Variants in CDK14 observed in about 807,000 individuals in gnomAD.
CDK14 encodes cyclin-dependent kinase 14.
In CDK14, 34 loss-of-function variants were observed where a neutral mutation model predicts 60.7. That is an observed-to-expected ratio of 0.56 (90% CI 0.43 to 0.75). The LOEUF is 0.75. Among genes scored for constraint, CDK14 ranks in the 30% least tolerant of loss-of-function variants. The pLI is 0.00. For synonymous variants in CDK14, 197 were observed against 203.7 expected (o/e 0.97, Z 0.28); for missense variants, 482 against 564.1 (o/e 0.85, Z 1.47).
In CDK14 at chr7:90,685,174, C is replaced by G. The variant is rs77862508; in HGVS notation, c.124-41393C>G. 1.4e-3 allele frequency among the ~76,000 whole-genome samples: 217 copies of G among 152,098 alleles called. 2 individuals are homozygous for G. Among genetic ancestry groups the G allele is most frequent in the Admixed American group, 0.014 (217 of 15,282 alleles). On this transcript the variant is annotated intron_variant, in intron 2 of 14. Coordinates refer to ENST00000380050, the MANE Select transcript of CDK14 (RefSeq NM_001287135.2). ...GGATTGAGTAGGAAATTCATCCTCTCTTTTCTTTCACATTGCTTTCTGGTT... is the reference window on the plus strand; with the variant it reads ...GGATTGAGTAGGAAATTCATCCTCTGTTTTCTTTCACATTGCTTTCTGGTT...
At chr7:91,092,771 A>C (rs1427191468) in intron 12 of CDK14, among the ~76,000 whole-genome samples, 1 of 152,208 alleles carries the variant, frequency 6.6e-6, no homozygotes, top group Non-Finnish European at 1.5e-5. Context: ...AGGTACCACT[A>C]CTTAACTCTT....
intron 2 of CDK14, chr7:90,632,525 G>A (rs1033683226): frequency 6.1e-6 from 1 of 163,202 alleles, no homozygotes; most frequent in African/African-American, 2.4e-5. Context: ...TTGTAGCCTG[G>A]AAAGCAGTTT....
intron 5 of CDK14, among the ~76,000 whole-genome samples, chr7:90,792,584 G>A (rs556736220): frequency 2.0e-5 from 3 of 152,178 alleles, no homozygotes; most frequent in African/African-American, 7.2e-5. Flanking sequence ...CCCAAATCTA[G>A]CCATGAACAA....
At chr7:90,692,722 C>A (rs1355796279) in intron 2 of CDK14, 6 of 889,544 alleles carry the variant, frequency 6.7e-6, no homozygotes, top group African/African-American at 5.4e-5. Flanking sequence ...TAATTTATTT[C>A]CAAAGGATAC....
chr7:90,883,316 C>T (rs530594327), intron 6 of CDK14, among the ~76,000 whole-genome samples: 32 of 152,282 alleles, frequency 2.1e-4, no homozygotes, highest in Admixed American at 1.8e-3. Flanking sequence ...ATACTATAAA[C>T]ACCTCTACGC....
At chr7:90,755,300 C>T (rs952990804) in intron 4 of CDK14, among the ~76,000 whole-genome samples, 4 of 152,104 alleles carry the variant, frequency 2.6e-5, no homozygotes, top group East Asian at 1.9e-4. Context: ...AGAATGAAAT[C>T]GTGTTCTTTG....
chr7:91,149,492 C>A (rs1429026712), intron 14 of CDK14, among the ~76,000 whole-genome samples: 1 of 152,164 alleles, frequency 6.6e-6, no homozygotes, highest in Admixed American at 6.5e-5. Context: ...AGCTCTCTCT[C>A]TGTTAACATG....
intron 10 of CDK14, among the ~76,000 whole-genome samples, chr7:90,988,243 A>G (rs1040658555): frequency 3.9e-5 from 6 of 152,176 alleles, no homozygotes; most frequent in African/African-American, 1.2e-4. Flanking sequence ...AACCATGTTC[A>G]TATGTATATA....
At chr7:90,701,566 A>G (rs1274546900) in intron 2 of CDK14, among the ~76,000 whole-genome samples, 3 of 152,134 alleles carry the variant, frequency 2.0e-5, no homozygotes, top group East Asian at 1.9e-4. Context: ...TCCCTTTCCT[A>G]GAGTTTAAAA....
intron 2 of CDK14, among the ~76,000 whole-genome samples, chr7:90,661,949 A>G (rs1800872715): frequency 6.6e-6 from 1 of 152,212 alleles, no homozygotes; most frequent in African/African-American, 2.4e-5. Flanking sequence ...AAAGGATTAA[A>G]TATGCTGCTT....
At chr7:91,175,602 G>C (rs1220890685) in intron 14 of CDK14, among the ~76,000 whole-genome samples, 1 of 151,650 alleles carries the variant, frequency 6.6e-6, no homozygotes, top group African/African-American at 2.4e-5. Context: ...CAAAATAAAA[G>C]GATGGAGGAA....
intron 2 of CDK14, among the ~76,000 whole-genome samples, chr7:90,634,767 T>C (rs972630559): frequency 4.0e-4 from 61 of 152,016 alleles, no homozygotes; most frequent in African/African-American, 1.1e-3. Flanking sequence ...AAAGTGTTCC[T>C]ATTTGTCCAC....
chr7:90,706,126 A>G (rs1430389178), intron 2 of CDK14, among the ~76,000 whole-genome samples: 2 of 152,024 alleles, frequency 1.3e-5, no homozygotes, highest in African/African-American at 4.8e-5. Flanking sequence ...TGAAGCTATA[A>G]TTTTTATTTT....
chr7:91,197,154 C>A (rs113559489), intron 14 of CDK14, among the ~76,000 whole-genome samples: 9,024 of 152,204 alleles, frequency 0.059, 319 homozygotes, highest in South Asian at 0.11. Context: ...AATCCCAGCA[C>A]TTTGGGAGGC....
At chr7:90,729,792 G>GTT (rs1329606450) in intron 3 of CDK14, among the ~76,000 whole-genome samples, 1 of 151,690 alleles carries the variant, frequency 6.6e-6, no homozygotes, top group Non-Finnish European at 1.5e-5. Context: ...AAATGGCTTC[G>GTT]TTTTCTCTTT....
chr7:90,620,843 C>G (rs373814603), intron 2 of CDK14, among the ~76,000 whole-genome samples: 8 of 152,306 alleles, frequency 5.3e-5, no homozygotes, highest in African/African-American at 1.9e-4. Context: ...GGAACCTCCA[C>G]ATTTTAAAGA....
intron 12 of CDK14, among the ~76,000 whole-genome samples, chr7:91,105,183 T>G (rs1254918974): frequency 2.6e-5 from 4 of 152,180 alleles, no homozygotes; most frequent in Non-Finnish European, 4.4e-5. Context: ...AATCAAATGC[T>G]AAAGTTGCAG....
chr7:91,086,505 G>A lies in CDK14; in HGVS notation c.1154+7025G>A, dbSNP rs566634861. 4.6e-5 allele frequency among the ~76,000 whole-genome samples: 7 copies of A among 151,870 alleles called. No homozygotes were observed. In the South Asian group the frequency reaches 1.2e-3, roughly 27 times the overall value. ...AATTCACCTCTCTGCTGTTGTTCCC[G>A]ATCTCCTTGATCTCCCCTAACTCTA... On this transcript the variant is annotated intron_variant, in intron 12 of 14. Transcript: ENST00000380050.
rs11563835 is a variant in CDK14, at chr7:90,602,593, A to G, written c.92-1625A>G. Among the ~76,000 whole-genome samples the G allele has an allele frequency of 1.7e-3, 263 of 152,346 alleles. 1 individual carries two copies. The highest frequency in any genetic ancestry group is 4.9e-3 in the Admixed American group (75 of 15,300). ...TCTAGTGAAAATGCAGTCATTAGGA[A>G]TTAGCTAGGATCTTAATATGGTTCT... On this transcript the variant is annotated intron_variant, in intron 1 of 14. Coordinates refer to ENST00000380050, the MANE Select transcript of CDK14 (RefSeq NM_001287135.2).
Sources: gnomAD v4.1 joint callset for allele counts (sites outside exome capture counted in the v4.1 genomes callset) on GRCh38, gnomAD v4.1.1 for gene constraint, MANE v1.5 for transcripts, NCBI Gene and HGNC (gene_info 2026-07-23, HGNC 2026-07-21) for gene names.